SNORC: variants seen among roughly 807,000 people sequenced by gnomAD.
SNORC encodes secondary ossification center associated regulator of chondrocyte maturation, also known as protein SNORC.
Under a neutral mutation model 9.7 loss-of-function variants are expected in SNORC, and 11 were observed. The ratio of observed to expected loss-of-function variants is 1.14; its 90% CI spans 0.72 to 1.88. SNORC has a LOEUF of 1.88. Ranked by LOEUF, SNORC falls within the 40% of genes most tolerant of loss-of-function variation. The pLI is 0.00. For missense variants in SNORC, 197 were observed against 173.1 expected (o/e 1.14, Z -0.77); for synonymous variants, 108 against 88.7 (o/e 1.22, Z -1.22).
upstream of SNORC, chr2:232,869,520 G>C (rs147115798): frequency 4.3e-3 from 649 of 152,452 alleles, 4 homozygotes; most frequent in South Asian, 0.016. Context: ...CACTGACTGA[G>C]TGAGGGAAGG....
At chr2:232,868,450 C>CT (rs201964132), upstream of SNORC, among the ~76,000 whole-genome samples, 2,396 of 152,284 alleles carry the variant, frequency 0.016, 32 homozygotes, top group Non-Finnish European at 0.019. Context: ...CCGGCCTCTG[C>CT]TGCCGCTTGG....
chr2:232,876,438 G>A, downstream of SNORC: 1 of 1,437,644 alleles, frequency 7.0e-7, no homozygotes, highest in Non-Finnish European at 9.0e-7. This position sits in a 1 kb window ranked among gnomAD's most constrained non-coding sequence, Gnocchi z 6.8. Flanking sequence ...GTGCGTGTCC[G>A]CGCATGCAGG....
At chr2:232,870,453 TC>T (rs1690985452) in intron 1 of SNORC, 39 bp downstream of exon 1, 1 of 1,538,980 alleles carries the variant, frequency 6.5e-7, no homozygotes, top group Non-Finnish European at 8.8e-7. Context: ...ACCACTAGCC[TC>T]CCAGGGCCGA....
At chr2:232,870,487 T>C in intron 1 of SNORC, 73 bp downstream of exon 1, 1 of 1,393,324 alleles carries the variant, frequency 7.2e-7, no homozygotes, top group Non-Finnish European at 9.9e-7. Flanking sequence ...GGCCAGATTC[T>C]TCAACGTTCA....
rs564435414 is a variant in SNORC at position 232,873,101 on chromosome 2, A to C, written c.73+2687A>C. On this transcript the variant is annotated intron_variant, in intron 1 of 2. Coordinates refer to ENST00000331342, the Ensembl canonical transcript of SNORC. ...CCCATAGCAACTGGGCTTGTGTCCA[A>C]AGGCGCACCCCAGGCCAGACGCAGC... 5.3e-5 allele frequency among the ~76,000 whole-genome samples: 8 copies of C among 152,340 alleles called. No individual in the cohort carries two copies. The East Asian group carries it at 1.5e-3, about 29-fold the overall frequency.
chr2:232,866,487 A>T (rs962232938), upstream of SNORC, among the ~76,000 whole-genome samples: 2 of 152,200 alleles, frequency 1.3e-5, no homozygotes, highest in Non-Finnish European at 2.9e-5. Context: ...ATTGCTTGGC[A>T]TGTTTTGTGG....
chr2:232,869,753 A>C (rs2106186304), upstream of SNORC: 1 of 159,124 alleles, frequency 6.3e-6, no homozygotes, highest in African/African-American at 2.4e-5. Flanking sequence ...TTGGATCAAA[A>C]CTGCTTTAAA....
chr2:232,866,921 A>C (rs899418916), upstream of SNORC, among the ~76,000 whole-genome samples: 2 of 152,178 alleles, frequency 1.3e-5, no homozygotes, highest in African/African-American at 2.4e-5. Context: ...AGACATTATA[A>C]AAATGTTTGT....
In SNORC at chr2:232,875,927, C is replaced by T. The variant is rs1691212673; in HGVS notation, c.74-13C>T. ...GTCACCTGGGGCCCCAGCACCTCTC[C>T]TTGGCTTTGCAGACGATGTTCCACA... On this transcript the variant is annotated splice_polypyrimidine_tract_variant and intron_variant, in intron 1 of 2. Transcript: ENST00000331342. The T allele has an allele frequency of 5.8e-6, 9 of 1,546,466 alleles. No individual in the cohort carries two copies. The East Asian group carries it at 1.5e-4, about 25-fold the overall frequency.
At chr2:232,876,827 GCCT>G (rs2106198316), downstream of SNORC, 4 of 985,514 alleles carry the variant, frequency 4.1e-6, no homozygotes, top group South Asian at 4.7e-5. The surrounding 1 kb of genome is among the most constrained non-coding windows in gnomAD (Gnocchi z 6.8). Flanking sequence ...TCCCGGCGCC[GCCT>G]CCTCTGCCTG....
chr2:232,870,396 G>T, exon 1 of SNORC: 1 of 1,571,360 alleles, frequency 6.4e-7, no homozygotes, highest in Non-Finnish European at 8.6e-7. Context: ...CGGGGTTCTG[G>T]CCCCTGCGGT....
chr2:232,868,386 C>T (rs543861438), upstream of SNORC, among the ~76,000 whole-genome samples: 17 of 152,246 alleles, frequency 1.1e-4, no homozygotes, highest in South Asian at 4.2e-4. Flanking sequence ...CGGGAGCCAC[C>T]GCACCTGGCC....
chr2:232,870,174 G>T (rs561026453), upstream of SNORC: 10 of 653,104 alleles, frequency 1.5e-5, no homozygotes, highest in Admixed American at 1.5e-4. Flanking sequence ...GTGTGTTGGT[G>T]GGGGGAGCGG....
intron 1 of SNORC, 22 bp from the exon 2 acceptor site, chr2:232,875,918 G>C: frequency 6.5e-7 from 1 of 1,537,418 alleles, no homozygotes; most frequent in Non-Finnish European, 8.8e-7. Context: ...TGGGGCCCCA[G>C]CACCTCTCCT....
At chr2:232,875,826 G>A (rs980346596) in intron 1 of SNORC, 114 bp from the exon 2 acceptor site, 2 of 1,113,904 alleles carry the variant, frequency 1.8e-6, no homozygotes, top group African/African-American at 3.2e-5. Flanking sequence ...GTGCAGCGCT[G>A]AGCCCAGACC....
intron 1 of SNORC, chr2:232,875,533 G>A: frequency 4.9e-6 from 2 of 408,524 alleles, no homozygotes; most frequent in African/African-American, 2.1e-5. Flanking sequence ...GGTCAGGGGA[G>A]GACAACTGGG....
upstream of SNORC, among the ~76,000 whole-genome samples, chr2:232,868,768 A>G (rs1690923670): frequency 6.6e-6 from 1 of 152,148 alleles, no homozygotes; most frequent in Admixed American, 6.5e-5. Context: ...CAGCCAGCCA[A>G]ACAGAGCTGC....
At chr2:232,868,225 T>C (rs572135895), upstream of SNORC, among the ~76,000 whole-genome samples, 90 of 151,378 alleles carry the variant, frequency 5.9e-4, no homozygotes, top group African/African-American at 2.2e-3. Flanking sequence ...GCCTTCCAAG[T>C]AGCTGGGACT....
At chr2:232,878,700 CTTT>C (rs2106202460), downstream of SNORC, 1 of 152,738 alleles carries the variant, frequency 6.5e-6, no homozygotes, top group South Asian at 2.1e-4. Flanking sequence ...CCTTCATCTT[CTTT>C]ATTTTATATA....
Sources: allele counts gnomAD v4.1 joint callset (sites outside exome capture counted in the v4.1 genomes callset), GRCh38; gene constraint gnomAD v4.1.1; non-coding constraint Gnocchi (gnomAD v3.1); transcripts MANE v1.5; gene names NCBI Gene and HGNC (gene_info 2026-07-23, HGNC 2026-07-21).